The following OCA2 variants were observed in gnomAD, a reference collection of about 807,000 sequenced individuals.
The protein encoded by OCA2 is P protein.
In OCA2, 77 loss-of-function variants were observed where a neutral mutation model predicts 100.2. The observed-to-expected ratio is 0.77, with a 90% CI of 0.64 to 0.93. The LOEUF (loss-of-function observed/expected upper bound fraction) is 0.93, where lower values mean the gene tolerates loss of function less well. Among genes scored for constraint, OCA2 ranks in the 40% least tolerant of loss-of-function variants. OCA2 has a pLI of 0.00. For missense variants in OCA2, 1,062 were observed against 1,089.1 expected, an observed-to-expected ratio of 0.98 and a Z score of 0.35; for synonymous variants, 432 against 439.2, an observed-to-expected ratio of 0.98 and a Z score of 0.21.
At chr15:28,044,760 G>T (rs1405320362) in intron 2 of OCA2, among the ~76,000 whole-genome samples, 2 of 152,000 alleles carry the variant, frequency 1.3e-5, no homozygotes, top group African/African-American at 4.8e-5. Flanking sequence ...TTATGGTCTG[G>T]CCTTCTTTGT....
intron 1 of OCA2, among the ~76,000 whole-genome samples, chr15:28,098,123 G>A (rs1204198699): frequency 6.6e-6 from 1 of 152,208 alleles, no homozygotes; most frequent in Admixed American, 6.5e-5. Flanking sequence ...ATAGGCATTT[G>A]CTTTTCATCA....
intron 2 of OCA2, among the ~76,000 whole-genome samples, chr15:28,071,034 G>A (rs1460255480): frequency 2.1e-5 from 3 of 139,788 alleles, no homozygotes; most frequent in African/African-American, 5.5e-5. Context: ...GCGGAAGGCC[G>A]CAGGGTCCTC....
intron 19 of OCA2, 142 bp downstream of exon 19, chr15:27,925,985 A>T: frequency 1.0e-6 from 1 of 955,378 alleles, no homozygotes; most frequent in South Asian, 1.6e-5. Context: ...AACTTAAAAT[A>T]GTCCAATTAC....
At chr15:27,934,029 T>A (rs1011012625) in intron 18 of OCA2, among the ~76,000 whole-genome samples, 2 of 152,178 alleles carry the variant, frequency 1.3e-5, no homozygotes, top group Non-Finnish European at 2.9e-5. Flanking sequence ...CATATCTATA[T>A]ACATATACAT....
chr15:27,897,348 T>C (rs900448156), intron 19 of OCA2, among the ~76,000 whole-genome samples: 4 of 151,296 alleles, frequency 2.6e-5, no homozygotes, highest in Admixed American at 6.6e-5. Flanking sequence ...GTCATGGTTA[T>C]ATAGTTTCCT....
At chr15:27,963,000 A>G (rs2140778205) in intron 15 of OCA2, among the ~76,000 whole-genome samples, 2 of 152,352 alleles carry the variant, frequency 1.3e-5, no homozygotes, top group East Asian at 3.9e-4. Context: ...TATTAACAAC[A>G]AAGTATATTT....
At chr15:27,773,556 C>T (rs191389536) in intron 23 of OCA2, among the ~76,000 whole-genome samples, 4 of 152,322 alleles carry the variant, frequency 2.6e-5, no homozygotes, top group African/African-American at 7.2e-5. Context: ...TGAGTGGTTA[C>T]ATCAGGCATT....
At chr15:27,904,395 A>G (rs1351422056) in intron 19 of OCA2, among the ~76,000 whole-genome samples, 3 of 152,186 alleles carry the variant, frequency 2.0e-5, no homozygotes, top group Admixed American at 6.5e-5. Context: ...GCTTTGGAGG[A>G]CGGAAGAACT....
intron 2 of OCA2, among the ~76,000 whole-genome samples, chr15:28,056,133 G>C (rs2043687951): frequency 6.6e-6 from 1 of 152,112 alleles, no homozygotes; most frequent in African/African-American, 2.4e-5. Context: ...ACGCTGACTG[G>C]GGGCTGGCCA....
intron 1 of OCA2, among the ~76,000 whole-genome samples, chr15:28,089,292 T>A (rs957646934): frequency 6.6e-6 from 1 of 152,182 alleles, no homozygotes; most frequent in African/African-American, 2.4e-5. Flanking sequence ...TGAGGTGACA[T>A]TCATCCTCAG....
intron 2 of OCA2, among the ~76,000 whole-genome samples, chr15:28,053,671 G>C (rs2043588013): frequency 6.6e-6 from 1 of 152,164 alleles, no homozygotes; most frequent in Admixed American, 6.5e-5. Flanking sequence ...CTCCCAAAGA[G>C]GGGGACCTCA....
rs76959014 is a variant in OCA2, at chr15:27,845,269, G to A, written c.2339-217C>T. Among the ~76,000 whole-genome samples, 98 of 152,314 alleles carry A rather than the reference G, an allele frequency of 6.4e-4. No homozygotes were observed. The East Asian group carries it at 0.016, about 24-fold the overall frequency. On this transcript the variant is annotated intron_variant, in intron 22 of 23. Coordinates refer to ENST00000354638, the MANE Select transcript of OCA2 (RefSeq NM_000275.3). ...AATACCATGATTCATTTATGGATAAGACCATGGCTGTTGTATTTAACAGAG... is the reference window on the plus strand; with the variant it reads ...AATACCATGATTCATTTATGGATAAAACCATGGCTGTTGTATTTAACAGAG...
intron 23 of OCA2, among the ~76,000 whole-genome samples, chr15:27,805,894 T>C (rs1029537373): frequency 6.6e-6 from 1 of 152,170 alleles, no homozygotes; most frequent in African/African-American, 2.4e-5. Flanking sequence ...CAGGGGAGCC[T>C]GGCTCTCCAG....
At chr15:27,922,839 G>T (rs913561304) in intron 19 of OCA2, among the ~76,000 whole-genome samples, 6 of 151,834 alleles carry the variant, frequency 4.0e-5, no homozygotes, top group African/African-American at 1.5e-4. Flanking sequence ...AAGTCCAGGG[G>T]TACATGTGCA....
intron 23 of OCA2, among the ~76,000 whole-genome samples, chr15:27,814,364 A>G (rs775079803): frequency 1.3e-5 from 2 of 152,258 alleles, no homozygotes; most frequent in Non-Finnish European, 1.5e-5. Context: ...TATTTAAGAC[A>G]TACAATGATG....
intron 23 of OCA2, among the ~76,000 whole-genome samples, chr15:27,799,543 G>A (rs985983010): frequency 1.3e-5 from 2 of 152,030 alleles, no homozygotes; most frequent in African/African-American, 2.4e-5. Flanking sequence ...TCAGGAGCTC[G>A]AGACCAACCT....
chr15:28,070,252 C>T (rs1595907379), intron 2 of OCA2, among the ~76,000 whole-genome samples: 5 of 139,708 alleles, frequency 3.6e-5, no homozygotes, highest in African/African-American at 1.5e-4. Context: ...CCGGCAGCCA[C>T]CCCATCTGGG....
chr15:27,784,954 A>T (rs1011100363), intron 23 of OCA2, among the ~76,000 whole-genome samples: 2 of 152,206 alleles, frequency 1.3e-5, no homozygotes, highest in African/African-American at 4.8e-5. Context: ...TGTCAAAATT[A>T]ATGATATCAA....
chr15:27,890,907 T>A (rs2151594235), intron 19 of OCA2, among the ~76,000 whole-genome samples: 1 of 152,020 alleles, frequency 6.6e-6, no homozygotes, highest in Non-Finnish European at 1.5e-5. Context: ...GCACCTGTAG[T>A]CCCAGCTATT....
Sources: allele counts gnomAD v4.1 joint callset (sites outside exome capture counted in the v4.1 genomes callset), GRCh38; gene constraint gnomAD v4.1.1; transcripts MANE v1.5; gene names NCBI Gene and HGNC (gene_info 2026-07-23, HGNC 2026-07-21).